ATRNL1: variants seen among roughly 807,000 people sequenced by gnomAD.
ATRNL1 encodes attractin like 1.
A neutral mutation model predicts 182.7 loss-of-function variants in ATRNL1; 95 were observed. The observed-to-expected ratio is 0.52, with a 90% CI of 0.44 to 0.62. The LOEUF (loss-of-function observed/expected upper bound fraction) is 0.62. Ranked by LOEUF, ATRNL1 falls within the 20% of genes least tolerant of loss-of-function variation. The pLI, the probability that ATRNL1 is intolerant of heterozygous loss-of-function variation, is 0.00. For synonymous variants in ATRNL1, 576 were observed against 568.3 expected, an observed-to-expected ratio of 1.01 and a Z score of -0.19; for missense variants, 1,471 against 1,679.5, an observed-to-expected ratio of 0.88 and a Z score of 2.17.
intron 6 of ATRNL1, among the ~76,000 whole-genome samples, chr10:115,162,465 A>G (rs1055998364): frequency 1.3e-5 from 2 of 151,970 alleles, no homozygotes; most frequent in African/African-American, 2.4e-5. Context: ...TGCAATTTGC[A>G]TGGAATATAT....
intron 15 of ATRNL1, among the ~76,000 whole-genome samples, chr10:115,289,560 A>G (rs983201403): frequency 3.3e-5 from 5 of 151,746 alleles, no homozygotes; most frequent in Non-Finnish European, 4.4e-5. Context: ...TTGTTTTTGT[A>G]TAGGGTAAGA....
chr10:115,518,904 G>A (rs1850773018), intron 24 of ATRNL1, among the ~76,000 whole-genome samples: 1 of 151,852 alleles, frequency 6.6e-6, no homozygotes, highest in African/African-American at 2.4e-5. Flanking sequence ...TTCCCCAGAT[G>A]AAGTTATATA....
At chr10:115,844,438 T>C (rs1950882726) in intron 27 of ATRNL1, among the ~76,000 whole-genome samples, 1 of 152,068 alleles carries the variant, frequency 6.6e-6, no homozygotes, top group Non-Finnish European at 1.5e-5. Flanking sequence ...GAACACCTCA[T>C]TTTCAGAACA....
intron 8 of ATRNL1, among the ~76,000 whole-genome samples, chr10:115,174,440 CA>C (rs1342043348): frequency 6.6e-6 from 1 of 151,664 alleles, no homozygotes; most frequent in Non-Finnish European, 1.5e-5. Context: ...GATCAACCTC[CA>C]ATTTATAGGA....
chr10:115,792,375 C>T (rs1949549837), intron 27 of ATRNL1, among the ~76,000 whole-genome samples: 1 of 152,030 alleles, frequency 6.6e-6, no homozygotes, highest in African/African-American at 2.4e-5. Flanking sequence ...CTGAGTTCTA[C>T]AATAGCTGTA....
chr10:115,344,234 C>A (rs919687814), intron 19 of ATRNL1, among the ~76,000 whole-genome samples: 2 of 152,034 alleles, frequency 1.3e-5, no homozygotes, highest in Non-Finnish European at 2.9e-5. Context: ...TTCCCTCAGG[C>A]CCCTGGTGGG....
chr10:115,171,129 G>C lies in ATRNL1; in HGVS notation c.1185G>C (p.Trp395Cys). 6.2e-7 allele frequency: 1 copy of C among 1,610,316 alleles called. No individual in the cohort carries two copies. The highest frequency in any genetic ancestry group is 8.5e-7 in the Non-Finnish European group (1 of 1,177,590). ...TTTTTAACATACATAGTCAGTCATG[G>C]AGTACAAAAACTCCTACTGTTCTTG... The part of the protein sequence containing the change: ...LWVFNIHSQS[W>C]STKTPTVLGH... Residue 395 changes from tryptophan to cysteine, a missense_variant, in exon 8 of 29, where the codon TGG becomes TGC. Physicochemically the swap from Trp to Cys is radical, Grantham distance 215. Transcript: ENST00000355044.
chr10:115,364,765 C>A lies in ATRNL1; in HGVS notation c.3176-29894C>A, dbSNP rs564775719. On this transcript the variant is annotated intron_variant, in intron 19 of 28. Coordinates refer to ENST00000355044, the MANE Select transcript of ATRNL1 (RefSeq NM_207303.4). Reference sequence around the variant, plus strand: ...ATTTTGTCAAAGGCTTTTTCTGCATCTATTGAGATAATAATGTGGTTTGTG... The same window carrying A: ...ATTTTGTCAAAGGCTTTTTCTGCATATATTGAGATAATAATGTGGTTTGTG... Among the ~76,000 whole-genome samples the A allele has an allele frequency of 3.0e-3, 462 of 151,950 alleles. 10 individuals are homozygous for A. Among genetic ancestry groups the A allele is most frequent in the African/African-American group, 0.011 (437 of 41,270 alleles).
chr10:115,336,979 G>GC (rs1491240603), intron 19 of ATRNL1, among the ~76,000 whole-genome samples: 1 of 696 alleles, frequency 1.4e-3, no homozygotes, highest in Non-Finnish European at 8.8e-3. Context: ...CCAAGTAGCT[G>GC]GGGGGGGGGG....
intron 28 of ATRNL1, among the ~76,000 whole-genome samples, chr10:115,939,193 A>G (rs1460666283): frequency 6.6e-6 from 1 of 152,220 alleles, no homozygotes; most frequent in African/African-American, 2.4e-5. Flanking sequence ...CCTCCAGCCC[A>G]GGGACCACTG....
At chr10:115,626,831 CAT>C (rs1412742627) in intron 26 of ATRNL1, among the ~76,000 whole-genome samples, 1 of 152,124 alleles carries the variant, frequency 6.6e-6, no homozygotes, top group Non-Finnish European at 1.5e-5. Flanking sequence ...GTAGCATCTG[CAT>C]ATGAGCCATT....
intron 25 of ATRNL1, among the ~76,000 whole-genome samples, chr10:115,526,308 T>C (rs1851213142): frequency 6.6e-6 from 1 of 152,174 alleles, no homozygotes; most frequent in African/African-American, 2.4e-5. Flanking sequence ...TGTTGGCATT[T>C]CTGCTATCAG....
At chr10:115,406,612 A>C (rs921549950) in intron 20 of ATRNL1, among the ~76,000 whole-genome samples, 4 of 152,116 alleles carry the variant, frequency 2.6e-5, no homozygotes, top group Non-Finnish European at 4.4e-5. Flanking sequence ...AGTTCTTAAA[A>C]GTTTATTATG....
intron 11 of ATRNL1, among the ~76,000 whole-genome samples, chr10:115,265,704 G>GA (rs1851581405): frequency 6.6e-6 from 1 of 151,692 alleles, no homozygotes; most frequent in African/African-American, 2.4e-5. Context: ...TGTGATTTTT[G>GA]ACAAGTCTCT....
rs189730522 is a variant in ATRNL1 at position 115,663,292 on chromosome 10, T to C, written c.3796-63956T>C. 4.0e-3 allele frequency among the ~76,000 whole-genome samples: 606 copies of C among 152,240 alleles called. 17 individuals are homozygous for C. The highest frequency in any genetic ancestry group is 0.035 in the Admixed American group (537 of 15,258). On this transcript the variant is annotated intron_variant, in intron 26 of 28. Transcript: ENST00000355044. Reference sequence around the variant, plus strand: ...GGATTCAAATTTGGGTTTCTGTGACTTGAAAGCTCATACACTAGACCCTTA... The same window carrying C: ...GGATTCAAATTTGGGTTTCTGTGACCTGAAAGCTCATACACTAGACCCTTA...
At chr10:115,885,656 C>T (rs1463188488) in intron 28 of ATRNL1, among the ~76,000 whole-genome samples, 1 of 152,162 alleles carries the variant, frequency 6.6e-6, no homozygotes, top group African/African-American at 2.4e-5. Flanking sequence ...TCCGTATATG[C>T]TTTCAGTCTC....
At chr10:115,619,052 A>G (rs1857582082) in intron 26 of ATRNL1, among the ~76,000 whole-genome samples, 1 of 152,178 alleles carries the variant, frequency 6.6e-6, no homozygotes, top group African/African-American at 2.4e-5. Context: ...CTGTACAGTA[A>G]GGTAGTCTTC....
At chr10:115,514,660 G>T (rs1486746796) in intron 24 of ATRNL1, among the ~76,000 whole-genome samples, 1 of 151,560 alleles carries the variant, frequency 6.6e-6, no homozygotes, top group East Asian at 1.9e-4. Flanking sequence ...TTAGTCTGTT[G>T]GTTACTCCCA....
chr10:115,912,414 ATT>A (rs1565481374), intron 28 of ATRNL1, among the ~76,000 whole-genome samples: 2 of 55,872 alleles, frequency 3.6e-5, no homozygotes, highest in South Asian at 6.1e-4. Flanking sequence ...ATATATATAT[ATT>A]TGTGTGTGTG....
Sources: allele counts gnomAD v4.1 joint callset (sites outside exome capture counted in the v4.1 genomes callset), GRCh38; gene constraint gnomAD v4.1.1; transcripts MANE v1.5; gene names NCBI Gene and HGNC (gene_info 2026-07-23, HGNC 2026-07-21).